The following MYO3A variants were observed in gnomAD, a reference collection of about 807,000 sequenced individuals.
The protein encoded by MYO3A is myosin-IIIa.
A neutral mutation model predicts 192.7 loss-of-function variants in MYO3A; 180 were observed. That is an observed-to-expected ratio of 0.93 (90% confidence interval 0.83 to 1.06). The LOEUF is 1.06. Among genes scored for constraint, MYO3A ranks in the 50% least tolerant of loss-of-function variants. The pLI is 0.00. For synonymous variants in MYO3A, 628 were observed against 645.3 expected (o/e 0.97, Z 0.41); for missense variants, 1,896 against 1,905.0 (o/e 1.00, Z 0.09).
intron 4 of MYO3A, among the ~76,000 whole-genome samples, chr10:25,960,703 TGAG>T: frequency 6.6e-6 from 1 of 152,208 alleles, no homozygotes; most frequent in Admixed American, 6.5e-5. Context: ...TTGAATAGTC[TGAG>T]GAGGAGGAAG....
intron 9 of MYO3A, among the ~76,000 whole-genome samples, chr10:26,024,754 A>G (rs1328392143): frequency 1.3e-5 from 2 of 152,138 alleles, no homozygotes; most frequent in South Asian, 2.1e-4. Context: ...CAGATCCTCA[A>G]TGGAACTTAG....
intron 17 of MYO3A, among the ~76,000 whole-genome samples, chr10:26,098,586 G>A (rs914930309): frequency 1.3e-5 from 2 of 152,156 alleles, no homozygotes; most frequent in African/African-American, 4.8e-5. Flanking sequence ...ATTAATTTTT[G>A]TATAAGGTGT....
intron 4 of MYO3A, among the ~76,000 whole-genome samples, chr10:25,992,760 G>A (rs1316855478): frequency 1.3e-5 from 2 of 152,172 alleles, no homozygotes; most frequent in Non-Finnish European, 2.9e-5. Flanking sequence ...CATCTATTGA[G>A]ATAATCATGT....
intron 4 of MYO3A, 39 bp downstream of exon 4, chr10:25,955,047 G>C (rs1337936254): frequency 1.9e-6 from 3 of 1,607,420 alleles, no homozygotes; most frequent in Non-Finnish European, 1.7e-6. Context: ...TGGAAACTTA[G>C]AGTGTGGTTC....
At chr10:26,198,554 C>A (rs953999384) in intron 32 of MYO3A, among the ~76,000 whole-genome samples, 1 of 152,202 alleles carries the variant, frequency 6.6e-6, no homozygotes, top group African/African-American at 2.4e-5. Flanking sequence ...CAACGTTTAG[C>A]TCCTTCATCC....
intron 10 of MYO3A, among the ~76,000 whole-genome samples, chr10:26,054,951 G>A (rs2131307279): frequency 6.6e-6 from 1 of 152,324 alleles, no homozygotes; most frequent in African/African-American, 2.4e-5. Flanking sequence ...TGTTATAGCA[G>A]CAATGGGAAA....
intron 23 of MYO3A, among the ~76,000 whole-genome samples, chr10:26,149,481 C>T (rs1840666671): frequency 6.6e-6 from 1 of 152,026 alleles, no homozygotes; most frequent in Non-Finnish European, 1.5e-5. Context: ...GTGATCCACC[C>T]GCCTCGGCCT....
chr10:26,063,160 A>G (rs2131352257), intron 10 of MYO3A, among the ~76,000 whole-genome samples: 1 of 152,298 alleles, frequency 6.6e-6, no homozygotes, highest in African/African-American at 2.4e-5. Flanking sequence ...CTGGAGCTGA[A>G]GAGAAGTCAA....
rs544532035 is a variant in MYO3A at position 26,196,038 on chromosome 10, G to A, written c.4545+2727G>A. On this transcript the variant is annotated intron_variant, in intron 32 of 34. Transcript: ENST00000642920. The stretch of plus-strand genomic sequence containing the variant: ...AAAATCTAAAATTCCAGATACCTGC[G>A]TTTGACAGTCACTTTATATAGGAAG... Among the ~76,000 whole-genome samples the A allele has an allele frequency of 1.2e-4, 19 of 152,294 alleles. No individual in the cohort carries two copies. In the South Asian group the frequency reaches 1.4e-3, roughly 12 times the overall value.
At chr10:25,956,877 T>A (rs1837577435) in intron 4 of MYO3A, among the ~76,000 whole-genome samples, 1 of 152,100 alleles carries the variant, frequency 6.6e-6, no homozygotes, top group African/African-American at 2.4e-5. Context: ...TTTTTCCTGA[T>A]CCTCACCATC....
chr10:26,050,345 A>G (rs979514659), intron 10 of MYO3A, among the ~76,000 whole-genome samples: 6 of 152,214 alleles, frequency 3.9e-5, no homozygotes, highest in African/African-American at 1.4e-4. Context: ...CCATTTAATG[A>G]TTCTTGGAAA....
chr10:25,950,421 T>C (rs1837137460), intron 2 of MYO3A, among the ~76,000 whole-genome samples: 2 of 152,102 alleles, frequency 1.3e-5, no homozygotes, highest in Non-Finnish European at 2.9e-5. Context: ...CACTTTGAAA[T>C]AGTAATTCCA....
intron 32 of MYO3A, among the ~76,000 whole-genome samples, chr10:26,195,960 C>T (rs934491343): frequency 6.6e-6 from 1 of 151,396 alleles, no homozygotes; most frequent in Non-Finnish European, 1.5e-5. Context: ...ATGTGTTGTA[C>T]AAATGAGAGC....
intron 17 of MYO3A, among the ~76,000 whole-genome samples, chr10:26,112,141 ATAAT>A (rs1262309869): frequency 6.6e-6 from 1 of 152,248 alleles, no homozygotes; most frequent in Non-Finnish European, 1.5e-5. Flanking sequence ...ATTGACAAAT[ATAAT>A]TATTTATTTC....
Position 25,969,074 on chromosome 10 carries a change from C to T in MYO3A, c.303+14066C>T, listed in dbSNP as rs148559962. 3.2e-4 allele frequency among the ~76,000 whole-genome samples: 49 copies of T among 152,262 alleles called. No individual in the cohort carries two copies. In the East Asian group the frequency reaches 9.3e-3, roughly 29 times the overall value. ...CTAATACGGTGAAACCCCATCTCTA[C>T]TAAAAATACAAAAAATTAGCCGGGT... On this transcript the variant is annotated intron_variant, in intron 4 of 34. Transcript: ENST00000642920.
intron 4 of MYO3A, among the ~76,000 whole-genome samples, chr10:25,990,122 G>A (rs11014886): frequency 0.17 from 26,065 of 151,956 alleles, 2,582 homozygotes; most frequent in South Asian, 0.22. Context: ...TTAATATTAC[G>A]TAACTTTGGA....
intron 4 of MYO3A, among the ~76,000 whole-genome samples, chr10:25,975,834 G>GA (rs1248889092): frequency 6.6e-6 from 1 of 152,010 alleles, no homozygotes; most frequent in Non-Finnish European, 1.5e-5. Context: ...AATCAAAGTG[G>GA]AAAAAAATCA....
At chr10:26,201,419 G>A (rs1016661792) in intron 33 of MYO3A, 114 bp downstream of exon 33, 27 of 648,542 alleles carry the variant, frequency 4.2e-5, no homozygotes, top group Non-Finnish European at 5.4e-5. Flanking sequence ...GGTGGCTCAC[G>A]CCTGTAATCC....
chr10:26,027,872 A>G (rs1842627792), intron 10 of MYO3A, among the ~76,000 whole-genome samples: 1 of 152,208 alleles, frequency 6.6e-6, no homozygotes, highest in East Asian at 1.9e-4. Flanking sequence ...TAACTGTGTA[A>G]TGAACAGTTG....
Sources: allele counts gnomAD v4.1 joint callset (sites outside exome capture counted in the v4.1 genomes callset), GRCh38; gene constraint gnomAD v4.1.1; transcripts MANE v1.5; gene names NCBI Gene and HGNC (gene_info 2026-07-23, HGNC 2026-07-21).